ROR1: variants seen among roughly 807,000 people sequenced by gnomAD.
ROR1 encodes inactive tyrosine-protein kinase transmembrane receptor ROR1.
Under a neutral mutation model 78.8 loss-of-function variants are expected in ROR1, and 19 were observed. That is an observed-to-expected ratio of 0.24 (90% CI 0.17 to 0.35). The LOEUF (loss-of-function observed/expected upper bound fraction) is 0.35. ROR1 is among the 10% of genes least tolerant of loss of function. The pLI is 1.00. For missense variants in ROR1, 917 were observed against 1,177.8 expected (o/e 0.78, Z 3.24); for synonymous variants, 386 against 433.6 (o/e 0.89, Z 1.36).
At chr1:64,043,798 C>A (rs976856906) in intron 2 of ROR1, among the ~76,000 whole-genome samples, 1 of 152,080 alleles carries the variant, frequency 6.6e-6, no homozygotes, top group Non-Finnish European at 1.5e-5. Context: ...TTGGGAAATT[C>A]CTTAACTTCT....
intron 8 of ROR1, among the ~76,000 whole-genome samples, chr1:64,171,047 A>G (rs55984200): frequency 0.024 from 3,593 of 151,922 alleles, 66 homozygotes; most frequent in Non-Finnish European, 0.037. Context: ...AACTGTTCCA[A>G]CCTCTGCCTG....
chr1:64,081,070 C>T (rs538929268), intron 4 of ROR1, among the ~76,000 whole-genome samples: 2 of 152,296 alleles, frequency 1.3e-5, no homozygotes, highest in South Asian at 4.1e-4. Flanking sequence ...CTAAGATCCC[C>T]TACCCCTGAA....
At chr1:63,937,768 A>G (rs905856609) in intron 1 of ROR1, among the ~76,000 whole-genome samples, 1 of 152,228 alleles carries the variant, frequency 6.6e-6, no homozygotes, top group African/African-American at 2.4e-5. Context: ...TTAATATTTC[A>G]TTAGTGTGTT....
chr1:64,074,226 C>A (rs1008115418), intron 4 of ROR1, among the ~76,000 whole-genome samples: 1 of 152,168 alleles, frequency 6.6e-6, no homozygotes, highest in African/African-American at 2.4e-5. Context: ...TTTGGGTATC[C>A]AACCGTGCCC....
chr1:63,842,270 A>C (rs1403137814), intron 1 of ROR1, among the ~76,000 whole-genome samples: 1 of 152,234 alleles, frequency 6.6e-6, no homozygotes, highest in Non-Finnish European at 1.5e-5. Context: ...CCACAGTTCC[A>C]TAGATGCTGG....
At chr1:64,140,467 C>G in intron 6 of ROR1, 41 bp downstream of exon 6, 1 of 1,575,704 alleles carries the variant, frequency 6.3e-7, no homozygotes, top group Non-Finnish European at 8.7e-7. Context: ...TTCTAAGGGT[C>G]AGCAACCTGT....
At chr1:63,975,136 G>A (rs1216942010) in intron 1 of ROR1, among the ~76,000 whole-genome samples, 1 of 152,088 alleles carries the variant, frequency 6.6e-6, no homozygotes, top group African/African-American at 2.4e-5. Context: ...CAACTTACAG[G>A]TTTCATCTTC....
intron 1 of ROR1, among the ~76,000 whole-genome samples, chr1:63,904,332 C>T (rs1645512111): frequency 6.6e-6 from 1 of 152,184 alleles, no homozygotes; most frequent in Admixed American, 6.5e-5. Context: ...CTCAAGGTCT[C>T]ATAGCCAGAT....
At chr1:63,844,731 G>A (rs1054093770) in intron 1 of ROR1, among the ~76,000 whole-genome samples, 3 of 152,098 alleles carry the variant, frequency 2.0e-5, no homozygotes. Flanking sequence ...CATGTAGTGA[G>A]GAAGCCTGTT....
chr1:64,091,865 G>A (rs1361138294), intron 4 of ROR1, among the ~76,000 whole-genome samples: 3 of 152,166 alleles, frequency 2.0e-5, no homozygotes, highest in African/African-American at 7.2e-5. Flanking sequence ...CCTGCAGGAA[G>A]CGATGGGTAT....
intron 2 of ROR1, among the ~76,000 whole-genome samples, chr1:64,018,725 T>C (rs1646541168): frequency 6.6e-6 from 1 of 152,190 alleles, no homozygotes; most frequent in African/African-American, 2.4e-5. Flanking sequence ...TCAGAAGTCA[T>C]GTCTTCTTTA....
At chr1:63,914,826 A>T (rs577476588) in intron 1 of ROR1, among the ~76,000 whole-genome samples, 3 of 152,282 alleles carry the variant, frequency 2.0e-5, no homozygotes, top group Admixed American at 2.0e-4. Context: ...CCCAAGGCAG[A>T]ATCAGTCTCT....
intron 1 of ROR1, among the ~76,000 whole-genome samples, chr1:64,009,074 T>C (rs1646454129): frequency 6.6e-6 from 1 of 152,126 alleles, no homozygotes; most frequent in Admixed American, 6.5e-5. Context: ...TGTTTTGAAG[T>C]AAAAATCTTC....
intron 4 of ROR1, among the ~76,000 whole-genome samples, chr1:64,120,073 G>A (rs890099285): frequency 2.0e-5 from 3 of 152,196 alleles, no homozygotes; most frequent in Admixed American, 6.5e-5. Context: ...GGTGGTTCTC[G>A]ACTGTTCTCC....
chr1:64,100,511 C>A (rs1451660513), intron 4 of ROR1, among the ~76,000 whole-genome samples: 2 of 151,882 alleles, frequency 1.3e-5, no homozygotes, highest in Non-Finnish European at 2.9e-5. Context: ...ACAAAATAAG[C>A]CTATCAGTAA....
At chr1:63,967,199 A>G (rs1294517934) in intron 1 of ROR1, among the ~76,000 whole-genome samples, 2 of 152,172 alleles carry the variant, frequency 1.3e-5, no homozygotes, top group Non-Finnish European at 2.9e-5. Context: ...CCATCATTTT[A>G]TGCAACTTGT....
intron 1 of ROR1, among the ~76,000 whole-genome samples, chr1:63,779,387 C>T (rs1644637535): frequency 6.6e-6 from 1 of 152,108 alleles, no homozygotes; most frequent in African/African-American, 2.4e-5. Flanking sequence ...GAGAAACACT[C>T]ACGTCTTCAA....
At chr1:63,988,548 A>G (rs1646269293) in intron 1 of ROR1, among the ~76,000 whole-genome samples, 1 of 152,182 alleles carries the variant, frequency 6.6e-6, no homozygotes, top group Admixed American at 6.5e-5. Context: ...TACATTTCAC[A>G]TTGTTGTGTA....
chr1:63,817,749 C>T (rs1644900820), intron 1 of ROR1, among the ~76,000 whole-genome samples: 1 of 152,116 alleles, frequency 6.6e-6, no homozygotes, highest in South Asian at 2.1e-4. Flanking sequence ...ATTCCGATTT[C>T]TTGTCTCAAT....
Sources: allele counts gnomAD v4.1 joint callset (sites outside exome capture counted in the v4.1 genomes callset), GRCh38; gene constraint gnomAD v4.1.1; transcripts MANE v1.5; gene names NCBI Gene and HGNC (gene_info 2026-07-23, HGNC 2026-07-21).